EML4: variants seen among roughly 807,000 people sequenced by gnomAD.
EML4 encodes the protein EMAP like 4, also known as echinoderm microtubule-associated protein-like 4.
EML4 carries 72 observed loss-of-function variants against 129.0 expected under a neutral mutation model. That is an observed-to-expected ratio of 0.56 (90% CI 0.46 to 0.68). The LOEUF (loss-of-function observed/expected upper bound fraction) is 0.68, where lower values mean the gene tolerates loss of function less well. EML4 is among the 30% of genes least tolerant of loss of function. The pLI is 0.00. For synonymous variants in EML4, 532 were observed against 405.0 expected (o/e 1.31, Z -3.77); for missense variants, 1,363 against 1,190.6 (o/e 1.14, Z -2.13).
chr2:42,226,422 G>A (rs536585823), intron 1 of EML4, among the ~76,000 whole-genome samples: 2 of 148,726 alleles, frequency 1.3e-5, no homozygotes, highest in South Asian at 4.3e-4. Context: ...CACTTTGGGA[G>A]GCCGAGGCGG....
chr2:42,169,682 C>CT, intron 1 of EML4, 46 bp downstream of exon 1: 1 of 1,585,894 alleles, frequency 6.3e-7, no homozygotes, highest in Non-Finnish European at 8.6e-7. Flanking sequence ...AGGGTAGGAA[C>CT]TTTTTTCCTT....
At chr2:42,268,441 A>ATTAT (rs1314362564) in intron 6 of EML4, among the ~76,000 whole-genome samples, 1 of 152,040 alleles carries the variant, frequency 6.6e-6, no homozygotes, top group Admixed American at 6.6e-5. Flanking sequence ...TTTCAAATTT[A>ATTAT]TTATTTATTT....
chr2:42,198,215 A>T (rs535214881), intron 1 of EML4, among the ~76,000 whole-genome samples: 19 of 150,654 alleles, frequency 1.3e-4, no homozygotes, highest in Admixed American at 8.6e-4. Flanking sequence ...TTAAAATTGA[A>T]TTTTTTTTTT....
At chr2:42,256,446 A>C (rs972998636) in intron 2 of EML4, 55 bp from the exon 3 acceptor site, 1 of 1,516,960 alleles carries the variant, frequency 6.6e-7, no homozygotes, top group African/African-American at 1.4e-5. Context: ...TAAAATTTAG[A>C]TCTTTAAGGA....
intron 1 of EML4, among the ~76,000 whole-genome samples, chr2:42,233,454 C>T (rs1458837556): frequency 6.6e-6 from 1 of 151,606 alleles, no homozygotes; most frequent in African/African-American, 2.4e-5. Context: ...TATAGGCACC[C>T]GCCACCATGC....
At chr2:42,260,202 C>T (rs531173067) in intron 3 of EML4, among the ~76,000 whole-genome samples, 42 of 152,124 alleles carry the variant, frequency 2.8e-4, no homozygotes, top group African/African-American at 1.0e-3. Context: ...GAGTCTCGCA[C>T]TGTCATCCAG....
chr2:42,249,857 G>A (rs1381970028), intron 2 of EML4, among the ~76,000 whole-genome samples: 1 of 152,136 alleles, frequency 6.6e-6, no homozygotes, highest in Non-Finnish European at 1.5e-5. Context: ...TCCTCTGTCA[G>A]AGAATTCTTT....
intron 1 of EML4, among the ~76,000 whole-genome samples, chr2:42,220,679 G>C (rs1673530253): frequency 6.6e-6 from 1 of 152,156 alleles, no homozygotes; most frequent in African/African-American, 2.4e-5. Flanking sequence ...AGCTAGAAAT[G>C]ATGAAGCTTA....
chr2:42,237,991 A>C (rs1260331379), intron 1 of EML4, among the ~76,000 whole-genome samples: 1 of 152,230 alleles, frequency 6.6e-6, no homozygotes, highest in Non-Finnish European at 1.5e-5. Context: ...CCAGTTGTCC[A>C]TGTGGGTGTC....
At chr2:42,187,432 A>G (rs537011492) in intron 1 of EML4, among the ~76,000 whole-genome samples, 4 of 152,242 alleles carry the variant, frequency 2.6e-5, no homozygotes, top group South Asian at 4.1e-4. Context: ...ATATTGCTTT[A>G]GAGATTCATC....
intron 20 of EML4, 71 bp from the exon 21 acceptor site, chr2:42,326,083 A>T (rs183815670): frequency 4.5e-5 from 71 of 1,578,814 alleles, no homozygotes; most frequent in Non-Finnish European, 6.0e-5. Flanking sequence ...GGCTAGTTTG[A>T]ATCAAGATGC....
At chr2:42,322,161 A>G (rs1669559043) in intron 19 of EML4, among the ~76,000 whole-genome samples, 1 of 152,262 alleles carries the variant, frequency 6.6e-6, no homozygotes, top group South Asian at 2.1e-4. Flanking sequence ...AAGTTTACTA[A>G]GTAATAAAAA....
At chr2:42,181,312 T>C (rs534739143) in intron 1 of EML4, among the ~76,000 whole-genome samples, 4 of 152,318 alleles carry the variant, frequency 2.6e-5, no homozygotes, top group African/African-American at 7.2e-5. Context: ...TTTTATTTTG[T>C]ATTTGAGACA....
intron 1 of EML4, among the ~76,000 whole-genome samples, chr2:42,174,811 GT>G (rs765461178): frequency 6.7e-6 from 1 of 150,280 alleles, no homozygotes; most frequent in Non-Finnish European, 1.5e-5. Flanking sequence ...CTAGAAAGTG[GT>G]TTTTTTTTGT....
intron 1 of EML4, among the ~76,000 whole-genome samples, chr2:42,194,871 T>C (rs935387570): frequency 1.3e-5 from 2 of 152,166 alleles, no homozygotes; most frequent in African/African-American, 4.8e-5. Context: ...CTTTTAGGTC[T>C]ATGTTCTACC....
At chr2:42,176,999 G>T (rs1670644723) in intron 1 of EML4, among the ~76,000 whole-genome samples, 1 of 152,048 alleles carries the variant, frequency 6.6e-6, no homozygotes, top group African/African-American at 2.4e-5. Context: ...CACCATGTTG[G>T]CCAGGCCTGT....
intron 17 of EML4, 127 bp downstream of exon 17, chr2:42,304,678 T>C (rs981723362): frequency 1.9e-5 from 14 of 742,494 alleles, no homozygotes; most frequent in East Asian, 2.5e-5. Flanking sequence ...GTTGTTCTTA[T>C]CCGTTTTGTA....
chr2:42,231,039 G>C, intron 1 of EML4, among the ~76,000 whole-genome samples: 1 of 152,196 alleles, frequency 6.6e-6, no homozygotes, highest in South Asian at 2.1e-4. Flanking sequence ...ACCCCCGTCT[G>C]GTTAAACCCT....
At chr2:42,266,728 T>C (rs1031705435) in intron 6 of EML4, among the ~76,000 whole-genome samples, 3 of 152,100 alleles carry the variant, frequency 2.0e-5, no homozygotes, top group African/African-American at 7.2e-5. Context: ...TGTTTAGTGG[T>C]TGGTCCTGGC....
Sources: gnomAD v4.1 joint callset for allele counts (sites outside exome capture counted in the v4.1 genomes callset) on GRCh38, gnomAD v4.1.1 for gene constraint, MANE v1.5 for transcripts, NCBI Gene and HGNC (gene_info 2026-07-23, HGNC 2026-07-21) for gene names.